ASAP2: variants seen among roughly 807,000 people sequenced by gnomAD.
ASAP2 encodes arf-GAP with SH3 domain, ANK repeat and PH domain-containing protein 2.
Under a neutral mutation model 131.4 loss-of-function variants are expected in ASAP2, and 45 were observed. That is an observed-to-expected ratio of 0.34 (90% confidence interval 0.27 to 0.44). The LOEUF is 0.44. ASAP2 is among the 20% of genes least tolerant of loss of function. ASAP2 has a pLI of 1.00. For synonymous variants in ASAP2, 510 were observed against 503.0 expected, an observed-to-expected ratio of 1.01 and a Z score of -0.19; for missense variants, 1,011 against 1,297.0, an observed-to-expected ratio of 0.78 and a Z score of 3.39.
intron 1 of ASAP2, among the ~76,000 whole-genome samples, chr2:9,240,678 T>G (rs551217158): frequency 6.6e-6 from 1 of 152,336 alleles, no homozygotes; most frequent in South Asian, 2.1e-4. Flanking sequence ...ATTTCATGAA[T>G]AGAAGACCCA....
At chr2:9,273,758 C>T (rs537872894) in intron 1 of ASAP2, among the ~76,000 whole-genome samples, 1 of 152,250 alleles carries the variant, frequency 6.6e-6, no homozygotes, top group South Asian at 2.1e-4. Context: ...TGGGTGGTGT[C>T]AGCTGATCCA....
intron 2 of ASAP2, among the ~76,000 whole-genome samples, chr2:9,292,739 G>A (rs1056017341): frequency 1.3e-5 from 2 of 152,204 alleles, no homozygotes; most frequent in Non-Finnish European, 2.9e-5. Flanking sequence ...AGTGATCAGT[G>A]CATAGACTGA....
intron 1 of ASAP2, among the ~76,000 whole-genome samples, chr2:9,255,650 G>A (rs1271242160): frequency 6.6e-6 from 1 of 152,220 alleles, no homozygotes; most frequent in Non-Finnish European, 1.5e-5. Flanking sequence ...GTGAAGGGAG[G>A]TGCCTGAGTT....
At position 9,313,441 on chromosome 2, in the gene ASAP2, G is replaced by C. The variant is rs116546057; in HGVS notation, c.346-5083G>C. Among the ~76,000 whole-genome samples the C allele has an allele frequency of 9.8e-3, 1,485 of 152,130 alleles. 29 individuals are homozygous for C. Among genetic ancestry groups the C allele is most frequent in the African/African-American group, 0.034 (1,411 of 41,484 alleles). On this transcript the variant is annotated intron_variant, in intron 3 of 27. Coordinates refer to ENST00000281419, the MANE Select transcript of ASAP2 (RefSeq NM_003887.3). Reference sequence around the variant, plus strand: ...CATTCATGTTCATGTGTGTACTCCCGCTTCATGAAAAACCTAAGATTCTCT... The same window carrying C: ...CATTCATGTTCATGTGTGTACTCCCCCTTCATGAAAAACCTAAGATTCTCT...
intron 2 of ASAP2, among the ~76,000 whole-genome samples, chr2:9,286,446 A>AT (rs58786363): frequency 0.17 from 25,477 of 146,670 alleles, 2,567 homozygotes; most frequent in Non-Finnish European, 0.24. Flanking sequence ...GGAAAAAAAA[A>AT]AATATATATA....
At chr2:9,277,378 T>G (rs1666828942) in intron 1 of ASAP2, among the ~76,000 whole-genome samples, 1 of 152,194 alleles carries the variant, frequency 6.6e-6, no homozygotes, top group African/African-American at 2.4e-5. Context: ...ATTATGATTG[T>G]CCTGAGTTAT....
chr2:9,275,155 G>T (rs928721579), intron 1 of ASAP2, among the ~76,000 whole-genome samples: 3 of 150,170 alleles, frequency 2.0e-5, no homozygotes, highest in Non-Finnish European at 4.4e-5. Context: ...ATCATGGTTC[G>T]CTGCAGCCTC....
At chr2:9,346,961 G>C (rs1287694869) in intron 11 of ASAP2, among the ~76,000 whole-genome samples, 1 of 152,198 alleles carries the variant, frequency 6.6e-6, no homozygotes. Flanking sequence ...GTTATAACCG[G>C]CATTACTGGG....
chr2:9,290,412 G>C (rs1260125346), intron 2 of ASAP2, among the ~76,000 whole-genome samples: 1 of 152,014 alleles, frequency 6.6e-6, no homozygotes, highest in East Asian at 1.9e-4. Context: ...GTTTCGCCCT[G>C]TTGGCCAGGC....
intron 12 of ASAP2, among the ~76,000 whole-genome samples, chr2:9,355,679 C>T (rs1006032113): frequency 6.6e-6 from 1 of 152,112 alleles, no homozygotes; most frequent in South Asian, 2.1e-4. Flanking sequence ...CTAAGATATT[C>T]TTTTTAAAAA....
At chr2:9,344,954 C>G (rs1465218384) in intron 11 of ASAP2, among the ~76,000 whole-genome samples, 154 bp downstream of exon 11, 1 of 150,328 alleles carries the variant, frequency 6.7e-6, no homozygotes, top group African/African-American at 2.4e-5. Flanking sequence ...GCTTGCTGGC[C>G]TCCGTCTTGA....
chr2:9,394,386 G>A (rs1050573922), intron 24 of ASAP2, among the ~76,000 whole-genome samples: 68 of 151,956 alleles, frequency 4.5e-4, no homozygotes, highest in African/African-American at 1.6e-3. Flanking sequence ...GGATGGTCTC[G>A]ATCTCCTGAC....
At chr2:9,300,867 A>G (rs900884097) in intron 3 of ASAP2, among the ~76,000 whole-genome samples, 1 of 152,228 alleles carries the variant, frequency 6.6e-6, no homozygotes, top group Non-Finnish European at 1.5e-5. Flanking sequence ...ACTTTATGGA[A>G]GTCGGATTGT....
rs1368940316 is a variant in ASAP2 at position 9,232,003 on chromosome 2, C to T, written c.126+24773C>T. The stretch of plus-strand genomic sequence containing the variant: ...CTCTCTTGATCTGGCCCCTTCTCTC[C>T]ATTCCTCCAGCTGCAGTGGGTGCCC... On this transcript the variant is annotated intron_variant, in intron 1 of 27. Transcript: ENST00000281419. This position sits in a 1 kb window ranked among gnomAD's most constrained non-coding sequence, Gnocchi z 4.1. Among the ~76,000 whole-genome samples, 1 of 152,234 alleles carries T rather than the reference C, an allele frequency of 6.6e-6. No homozygotes were observed. The highest frequency in any genetic ancestry group is 1.5e-5 in the Non-Finnish European group (1 of 68,048).
At chr2:9,295,650 G>A (rs1044533763) in intron 2 of ASAP2, among the ~76,000 whole-genome samples, 15 of 152,192 alleles carry the variant, frequency 9.9e-5, no homozygotes, top group African/African-American at 3.1e-4. Context: ...CTGCGTTTGC[G>A]GGTGTGTGTG....
In ASAP2 at chr2:9,303,964, T is replaced by G. The variant is rs367632563; in HGVS notation, c.345+6519T>G. On this transcript the variant is annotated intron_variant, in intron 3 of 27. Coordinates refer to ENST00000281419, the MANE Select transcript of ASAP2 (RefSeq NM_003887.3). ...CTGCTGGGTGCTATCCATGCGCTGG[T>G]GCTGTATGGGGCGGTGACCTCTGGC... Among the ~76,000 whole-genome samples, 12 of 152,180 alleles carry G rather than the reference T, an allele frequency of 7.9e-5. No homozygotes were observed. The East Asian group carries it at 2.1e-3, about 27-fold the overall frequency.
intron 2 of ASAP2, among the ~76,000 whole-genome samples, chr2:9,295,756 G>T (rs544164553): frequency 8.5e-4 from 130 of 152,290 alleles, no homozygotes; most frequent in Non-Finnish European, 1.6e-3. Context: ...TTACTGGAAT[G>T]TTAAAAAAGA....
chr2:9,288,584 T>C lies in ASAP2; in HGVS notation c.200-8716T>C, dbSNP rs148151069. ...GCTGCTTACCCTGGCAAAATGCACA[T>C]TCTGTAATGTAGCGAGTCAGATTGC... On this transcript the variant is annotated intron_variant, in intron 2 of 27. Coordinates refer to ENST00000281419, the MANE Select transcript of ASAP2 (RefSeq NM_003887.3). Among the ~76,000 whole-genome samples the C allele has an allele frequency of 1.2e-4, 19 of 152,274 alleles. No homozygotes were observed. In the East Asian group the frequency reaches 3.5e-3, roughly 28 times the overall value.
intron 22 of ASAP2, 91 bp from the exon 23 acceptor site, chr2:9,390,971 A>G (rs751211039): frequency 1.7e-4 from 270 of 1,592,522 alleles, no homozygotes; most frequent in Non-Finnish European, 2.1e-4. Context: ...AAGGGGGAGG[A>G]TCAATAACGC....
Sources: allele counts gnomAD v4.1 joint callset (sites outside exome capture counted in the v4.1 genomes callset), GRCh38; gene constraint gnomAD v4.1.1; non-coding constraint Gnocchi (gnomAD v3.1); transcripts MANE v1.5; gene names NCBI Gene and HGNC (gene_info 2026-07-23, HGNC 2026-07-21).